Variants in CFAP52 observed in about 807,000 individuals in gnomAD.
The protein encoded by CFAP52 is cilia and flagella associated protein 52.
In CFAP52, 57 loss-of-function variants were observed where a neutral mutation model predicts 70.5. That is an observed-to-expected ratio of 0.81 (90% CI 0.65 to 1.01). The LOEUF (loss-of-function observed/expected upper bound fraction) is 1.01. CFAP52 is among the 50% of genes least tolerant of loss of function. CFAP52 has a pLI of 0.00. For synonymous variants in CFAP52, 267 were observed against 292.5 expected, an observed-to-expected ratio of 0.91 and a Z score of 0.89; for missense variants, 785 against 788.5, an observed-to-expected ratio of 1.00 and a Z score of 0.05.
chr17:9,596,866 C>T lies in CFAP52; in HGVS notation c.537-1368C>T, dbSNP rs1312849344. ...GACTAGCTGGGATTACAGGTGCCCA[C>T]CACCACGCCTGGCTAATTTTTTATA... On this transcript the variant is annotated intron_variant, in intron 4 of 13. Coordinates refer to ENST00000352665, the MANE Select transcript of CFAP52 (RefSeq NM_145054.5). 2.6e-5 allele frequency among the ~76,000 whole-genome samples: 4 copies of T among 152,148 alleles called. No homozygotes were observed. In the East Asian group the frequency reaches 7.7e-4, roughly 29 times the overall value.
At chr17:9,612,173 C>A in intron 7 of CFAP52, 136 bp from the exon 8 acceptor site, 1 of 1,171,316 alleles carries the variant, frequency 8.5e-7, no homozygotes, top group Non-Finnish European at 1.2e-6. Flanking sequence ...TAACTCCTGC[C>A]TTTTCAACTG....
Position 9,631,020 on chromosome 17 carries a change from AAGAAAGAAAGAG to A in CFAP52, c.1175-1864_1175-1853del, listed in dbSNP as rs1241876377. On this transcript the variant is annotated intron_variant, in intron 9 of 13. Transcript: ENST00000352665. ...AAAGAAAGAAAGAAAGAAAGAAAGAAAGAAAGAAAGAGAGAGAGAGAGAGAGAGAGAGAGAAA... is the reference window on the plus strand; with the variant it reads ...AAAGAAAGAAAGAAAGAAAGAAAGAAAGAGAGAGAGAGAGAGAGAGAGAAA... Among the ~76,000 whole-genome samples the A allele has an allele frequency of 6.9e-4, 27 of 39,354 alleles. 2 individuals carry two copies. The East Asian group carries it at 0.011, about 15-fold the overall frequency. The allele number at this position is 39,354 out of a possible 152,430, so 25.8% of individuals were successfully genotyped here.
At chr17:9,643,851 T>C (rs774581813), downstream of CFAP52, among the ~76,000 whole-genome samples, 11 of 152,238 alleles carry the variant, frequency 7.2e-5, no homozygotes, top group South Asian at 2.1e-4. Context: ...AGATGCTTTA[T>C]TGGAGTTGGC....
Position 9,576,859 on chromosome 17 carries a change from G to A in CFAP52, c.70+94G>A, listed in dbSNP as rs1037672880. ...AGTGAGACACCGGGGACACCTGAAA[G>A]GCAGTGTGGGACAACGGCAGGAGCC... On this transcript the variant is annotated intron_variant, in intron 1 of 13. Transcript: ENST00000352665. 5 of 1,347,200 alleles carry A rather than the reference G, an allele frequency of 3.7e-6. No individual in the cohort carries two copies. In the African/African-American group the frequency reaches 4.4e-5, roughly 12 times the overall value. 83.5% of individuals were successfully genotyped at this position (1,347,200 alleles called of 1,614,324 possible).
rs574100353 is a variant in CFAP52, at chr17:9,635,281, C to T, written c.1321-124C>T. On this transcript the variant is annotated intron_variant, in intron 10 of 13. Transcript: ENST00000352665. ...GCATTCACACCCCACCCAACCGAGA[C>T]AAAGACAGGGAATTAAAAAAACACA... 806 of 1,368,318 alleles carry T rather than the reference C, an allele frequency of 5.9e-4. 14 individuals are homozygous for T. The South Asian group carries it at 0.011, about 19-fold the overall frequency. The allele number at this position is 1,368,318 out of a possible 1,614,324, so 84.8% of individuals were successfully genotyped here.
downstream of CFAP52, among the ~76,000 whole-genome samples, chr17:9,643,996 C>T (rs1319968056): frequency 6.6e-6 from 1 of 152,272 alleles, no homozygotes; most frequent in Admixed American, 6.5e-5. Flanking sequence ...CGCAAGTCTC[C>T]GATTCACAGT....
At chr17:9,591,120 C>A (rs1032340280) in intron 3 of CFAP52, among the ~76,000 whole-genome samples, 4 of 147,474 alleles carry the variant, frequency 2.7e-5, no homozygotes, top group African/African-American at 1.0e-4. Context: ...TCACCACAAC[C>A]TCTGCCTCCC....
intron 7 of CFAP52, among the ~76,000 whole-genome samples, chr17:9,609,158 G>T (rs368432792): frequency 6.6e-6 from 1 of 152,010 alleles, no homozygotes; most frequent in Non-Finnish European, 1.5e-5. Flanking sequence ...TTCATTCCAA[G>T]AAATCTGTGT....
Position 9,585,789 on chromosome 17 carries a change from T to C in CFAP52, c.87T>C (p.Gly29=), listed in dbSNP as rs768901707. Reference sequence around the variant, plus strand: ...CTCTTTTAGGACATGTGCCCACTGGTCTCAAATGCCATCCTGACCAGGAGC... The same window carrying C: ...CTCTTTTAGGACATGTGCCCACTGGCCTCAAATGCCATCCTGACCAGGAGC... ...VIGFNGHVPT[G]LKCHPDQEHM... is the part of the protein sequence containing the mutation. Residue 29 remains glycine (G), a synonymous_variant, in exon 2 of 14, where the codon GGT becomes GGC. Transcript: ENST00000352665. 2 of 1,614,046 alleles carry C rather than the reference T, an allele frequency of 1.2e-6. No homozygotes were observed. The highest frequency in any genetic ancestry group is 2.7e-5 in the African/African-American group (2 of 74,938).
rs1911154679 is a variant in CFAP52 at position 9,643,066 on chromosome 17, T to C, written c.1731T>C (p.Gly577=). ...HLVKVWDYNE[G]EVTHVGVGHS... ...TCAAAGTTTGGGATTATAATGAGGG[T>C]GAAGTGACTCACGTTGGGGTGGGAC... The change falls in exon 14 of 14, where the codon GGT becomes GGC. Residue 577 remains glycine, a synonymous_variant. Coordinates refer to ENST00000352665, the MANE Select transcript of CFAP52 (RefSeq NM_145054.5). The C allele has an allele frequency of 6.2e-7, 1 of 1,611,340 alleles. No individual in the cohort carries two copies. The highest frequency in any genetic ancestry group is 8.5e-7 in the Non-Finnish European group (1 of 1,178,972).
intron 3 of CFAP52, among the ~76,000 whole-genome samples, chr17:9,592,499 G>A (rs1343539862): frequency 2.6e-5 from 4 of 151,710 alleles, no homozygotes; most frequent in East Asian, 1.9e-4. Flanking sequence ...AAGAAACCCC[G>A]TACCCATTAG....
At chr17:9,585,640 C>T in intron 1 of CFAP52, 133 bp from the exon 2 acceptor site, 2 of 913,392 alleles carry the variant, frequency 2.2e-6, no homozygotes, top group Admixed American at 1.9e-5. Context: ...CCATTGCACC[C>T]CAGGCTGGGT....
At position 9,605,694 on chromosome 17, in the gene CFAP52, G is replaced by GAAAA. The variant is rs56157011; in HGVS notation, c.754-2399_754-2396dup. ...CTGGCGACAGAGTGAGACTCCATCT[G>GAAAA]AAAAAAAAAAAAAAAAAAAAAAAAA... On this transcript the variant is annotated intron_variant, in intron 6 of 13. Coordinates refer to ENST00000352665, the MANE Select transcript of CFAP52 (RefSeq NM_145054.5). Among the ~76,000 whole-genome samples, 139 of 56,970 alleles carry GAAAA rather than the reference G, an allele frequency of 2.4e-3. 3 individuals are homozygous for GAAAA. The highest frequency in any genetic ancestry group is 9.4e-3 in the Middle Eastern group (1 of 106). 37.4% of individuals were successfully genotyped at this position (56,970 alleles called of 152,430 possible). A position where few individuals can be genotyped will look rare whatever the true frequency, so the allele number is the denominator to read the frequency against.
chr17:9,590,571 A>G (rs1429788640), intron 3 of CFAP52: 1 of 152,306 alleles, frequency 6.6e-6, no homozygotes, highest in Non-Finnish European at 1.5e-5. Flanking sequence ...GCACACTGAT[A>G]TTACCTAGGA....
intron 3 of CFAP52, among the ~76,000 whole-genome samples, chr17:9,591,258 G>A (rs9911693): frequency 0.97 from 147,887 of 151,928 alleles, 72,106 homozygotes; most frequent in East Asian, 1. Flanking sequence ...GGCTGGTCTC[G>A]AACTCCCAAC....
intron 1 of CFAP52, among the ~76,000 whole-genome samples, chr17:9,581,591 G>A (rs1908229611): frequency 6.6e-6 from 1 of 151,992 alleles, no homozygotes; most frequent in African/African-American, 2.4e-5. Flanking sequence ...GGGAAAGAAG[G>A]CGAGAGAGAG....
At chr17:9,632,684 G>T (rs2151950356) in intron 9 of CFAP52, among the ~76,000 whole-genome samples, 1 of 147,784 alleles carries the variant, frequency 6.8e-6, no homozygotes, top group South Asian at 2.1e-4. Context: ...GAAGACTCAG[G>T]CTGTTGGCTT....
intron 7 of CFAP52, among the ~76,000 whole-genome samples, chr17:9,611,521 ATTTAT>A (rs1183524324): frequency 2.2e-4 from 34 of 151,782 alleles, no homozygotes; most frequent in African/African-American, 7.7e-4. Flanking sequence ...CACCTGGCTA[ATTTAT>A]TTTATTTTAT....
At chr17:9,630,990 A>AAAAGAAAGAAAGAAAGAAAG (rs1183878434) in intron 9 of CFAP52, among the ~76,000 whole-genome samples, 2 of 97,568 alleles carry the variant, frequency 2.0e-5, no homozygotes, top group African/African-American at 5.2e-5. Flanking sequence ...CATCTCAAAA[A>AAAAGAAAGAAAGAAAGAAAG]AAAGAAAGAA....
Sources: gnomAD v4.1 joint callset for allele counts (sites outside exome capture counted in the v4.1 genomes callset) on GRCh38, gnomAD v4.1.1 for gene constraint, MANE v1.5 for transcripts, NCBI Gene and HGNC (gene_info 2026-07-23, HGNC 2026-07-21) for gene names.